The following TRIM8 variants were observed in gnomAD, a reference collection of about 807,000 sequenced individuals.
The protein encoded by TRIM8 is E3 ubiquitin-protein ligase TRIM8.
TRIM8 carries 9 observed loss-of-function variants against 55.7 expected under a neutral mutation model. The ratio of observed to expected loss-of-function variants is 0.16; its 90% confidence interval spans 0.10 to 0.28. The LOEUF is 0.28. TRIM8 is among the 10% of genes least tolerant of loss of function. The probability of loss-of-function intolerance (pLI) is 1.00; values close to 1 mark genes in which losing one functional copy is unlikely to be tolerated. For synonymous variants in TRIM8, 335 were observed against 333.3 expected (o/e 1.01, Z -0.06); for missense variants, 556 against 736.4 (o/e 0.76, Z 2.83).
intron 1 of TRIM8, among the ~76,000 whole-genome samples, chr10:102,650,488 G>A (rs1261313828): frequency 7.9e-5 from 12 of 152,268 alleles, no homozygotes; most frequent in African/African-American, 2.9e-4. Flanking sequence ...CTGGGGGTGT[G>A]AAGGTCCTCC....
chr10:102,657,405 C>T lies in TRIM8; in HGVS notation c.*51C>T. The T allele has an allele frequency of 6.6e-7, 1 of 1,516,546 alleles. No homozygotes were observed. The highest frequency in any genetic ancestry group is 8.8e-7 in the Non-Finnish European group (1 of 1,132,304). The allele number at this position is 1,516,546 out of a possible 1,614,324, so 93.9% of individuals were successfully genotyped here. A position where few individuals can be genotyped will look rare whatever the true frequency, so the allele number is the denominator to read the frequency against. On this transcript the variant is annotated 3_prime_UTR_variant, in exon 6 of 6. Transcript: ENST00000643721. ...GGAATCTTCCTCCCCAGCCCCCGGG[C>T]TCGGGAGTTATGCATCCAGAGACCT...
At position 102,656,458 on chromosome 10, in the gene TRIM8, C is replaced by T; in HGVS notation, c.1048+73C>T. On this transcript the variant is annotated intron_variant, in intron 5 of 5. Transcript: ENST00000643721. This position sits in a 1 kb window ranked among gnomAD's most constrained non-coding sequence, Gnocchi z 4.6. ...GGGTTCAGCGCCACAGCCTTCCCTC[C>T]AAGAGGCAGTGTGGCCCAGTCTGGG... is the stretch of plus-strand genomic sequence containing the variant. 6.5e-7 allele frequency: 1 copy of T among 1,543,676 alleles called. No individual in the cohort carries two copies. Among genetic ancestry groups the T allele is most frequent in the Non-Finnish European group, 8.8e-7 (1 of 1,141,752 alleles).
chr10:102,654,837 C>A lies in TRIM8; in HGVS notation c.666+89C>A, dbSNP rs888590356. Reference sequence around the variant, plus strand: ...TCCTTACTAAGGATTGATTGTGTAGCCCTATGCCAGAACCACTCCATCAGT... The same window carrying A: ...TCCTTACTAAGGATTGATTGTGTAGACCTATGCCAGAACCACTCCATCAGT... On this transcript the variant is annotated intron_variant, in intron 2 of 5. Coordinates refer to ENST00000643721, the MANE Select transcript of TRIM8 (RefSeq NM_030912.3). 60 of 1,077,870 alleles carry A rather than the reference C, an allele frequency of 5.6e-5. No individual in the cohort carries two copies. In the Admixed American group the frequency reaches 9.9e-4, roughly 18 times the overall value. The allele number at this position is 1,077,870 out of a possible 1,614,324, so 66.8% of individuals were successfully genotyped here.
chr10:102,656,518 A>G lies in TRIM8; in HGVS notation c.1048+133A>G. The G allele has an allele frequency of 7.1e-7, 1 of 1,418,092 alleles. No homozygotes were observed. Among genetic ancestry groups the G allele is most frequent in the African/African-American group, 1.4e-5 (1 of 69,718 alleles). 87.8% of individuals were successfully genotyped at this position (1,418,092 alleles called of 1,614,324 possible). ...CTCATATCCAGGCTTTGCCACTTGT[A>G]GCTGTGGGACAGTGGGTAAGCAACA... On this transcript the variant is annotated intron_variant, in intron 5 of 5. Transcript: ENST00000643721. The surrounding 1 kb of genome is among the most constrained non-coding windows in gnomAD (Gnocchi z 4.6).
intron 1 of TRIM8, among the ~76,000 whole-genome samples, chr10:102,649,593 C>A (rs537834695): frequency 1.3e-5 from 2 of 152,332 alleles, no homozygotes; most frequent in East Asian, 3.9e-4. Flanking sequence ...TCTCTCTCGC[C>A]TCTTTGTTCT....
At chr10:102,649,031 CA>C (rs2063958768) in intron 1 of TRIM8, among the ~76,000 whole-genome samples, 1 of 87,328 alleles carries the variant, frequency 1.1e-5, no homozygotes, top group African/African-American at 5.5e-5. Flanking sequence ...TGTCTGTCTG[CA>C]GGTGTGTGTG....
chr10:102,648,268 TATCTC>T lies in TRIM8; in HGVS notation c.570+3084_570+3088del, dbSNP rs1225924735. ...ACTGGTGGGAGCTGGGGGGCATCCT[TATCTC>T]ATGACCCCCCATGACATGGAAAGAA... On this transcript the variant is annotated intron_variant, in intron 1 of 5. Transcript: ENST00000643721. Among the ~76,000 whole-genome samples, 10 of 152,214 alleles carry T rather than the reference TATCTC, an allele frequency of 6.6e-5. No individual in the cohort carries two copies. The East Asian group carries it at 1.9e-3, about 29-fold the overall frequency.
chr10:102,653,671 C>G (rs1450804011), intron 1 of TRIM8: 1 of 152,284 alleles, frequency 6.6e-6, no homozygotes, highest in African/African-American at 2.4e-5. Context: ...CTGCCTGGGT[C>G]CCACTGAGGG....
chr10:102,655,492 C>T (rs879574075), intron 3 of TRIM8, among the ~76,000 whole-genome samples, 179 bp downstream of exon 3: 2 of 152,176 alleles, frequency 1.3e-5, no homozygotes, highest in South Asian at 2.1e-4. Context: ...AGGTACATCC[C>T]GGGCCTTGTT....
At chr10:102,645,211 G>GCACACA in intron 1 of TRIM8, 24 bp downstream of exon 1, 5 of 1,408,474 alleles carry the variant, frequency 3.5e-6, no homozygotes, top group Non-Finnish European at 4.7e-6. Context: ...GCGCGCGCGC[G>GCACACA]CACACACACA....
chr10:102,655,710 G>C (rs975618418), intron 3 of TRIM8, among the ~76,000 whole-genome samples: 1 of 152,202 alleles, frequency 6.6e-6, no homozygotes. Flanking sequence ...TGCTGTATTA[G>C]ATTGTTGTGT....
Position 102,658,235 on chromosome 10 carries a change from C to G in TRIM8, c.*881C>G, listed in dbSNP as rs1232919135. 6.6e-6 allele frequency: 1 copy of G among 152,316 alleles called. No individual in the cohort carries two copies. The highest frequency in any genetic ancestry group is 1.5e-5 in the Non-Finnish European group (1 of 68,046). The allele number at this position is 152,316 out of a possible 1,614,324, so 9.4% of individuals were successfully genotyped here. A position where few individuals can be genotyped will look rare whatever the true frequency, so the allele number is the denominator to read the frequency against. On this transcript the variant is annotated 3_prime_UTR_variant, in exon 6 of 6. Transcript: ENST00000643721. ...TTGTATGAATCGTGGACTTCCTGTT[C>G]TCAAGGCGCAGGTATTTATTCTGTA...
intron 1 of TRIM8, chr10:102,645,505 T>G: frequency 4.0e-6 from 1 of 252,592 alleles, no homozygotes; most frequent in Non-Finnish European, 7.6e-6. Context: ...CCCAGTCTTG[T>G]TGCTGTAGGC....
intron 1 of TRIM8, among the ~76,000 whole-genome samples, chr10:102,646,583 C>G (rs762464910): frequency 2.2e-4 from 34 of 152,290 alleles, no homozygotes; most frequent in Non-Finnish European, 2.5e-4. Flanking sequence ...TAATTAGTTT[C>G]CAATCGGATG....
chr10:102,650,912 G>A (rs778654252), intron 1 of TRIM8, among the ~76,000 whole-genome samples: 1 of 152,164 alleles, frequency 6.6e-6, no homozygotes, highest in Admixed American at 6.5e-5. Context: ...GGTGAACTGG[G>A]GTGGGGTCGT....
rs1359554057 is a variant in TRIM8, at chr10:102,657,362, C to T, written c.*8C>T. 1.3e-6 allele frequency: 2 copies of T among 1,548,874 alleles called. No individual in the cohort carries two copies. Among genetic ancestry groups the T allele is most frequent in the African/African-American group, 1.4e-5 (1 of 73,260 alleles). The stretch of plus-strand genomic sequence containing the variant: ...CACTACGTGACGAGCTAACGCCACG[C>T]AGGCGGCGGGGCGCTGGGGAATCTT... On this transcript the variant is annotated 3_prime_UTR_variant, in exon 6 of 6. Coordinates refer to ENST00000643721, the MANE Select transcript of TRIM8 (RefSeq NM_030912.3).
chr10:102,646,866 G>T (rs549240923), intron 1 of TRIM8, among the ~76,000 whole-genome samples: 1 of 152,352 alleles, frequency 6.6e-6, no homozygotes, highest in African/African-American at 2.4e-5. Flanking sequence ...GAAAGGAACA[G>T]GGGAGGGGCA....
chr10:102,654,194 GGAGGCC>G (rs558621713), intron 1 of TRIM8: 211 of 158,934 alleles, frequency 1.3e-3, no homozygotes, highest in African/African-American at 4.9e-3. Context: ...CCGCACTTTG[GGAGGCC>G]GAGGCGGGCA....
At position 102,657,032 on chromosome 10, in the gene TRIM8, A is replaced by C. The variant is rs766216716; in HGVS notation, c.1334A>C (p.Gln445Pro). Residue 445 changes from glutamine (Q) to proline (P), a missense_variant, in exon 6 of 6, where the codon CAG becomes CCG. Gln to Pro is a moderately conservative substitution (Grantham distance 76). Around this residue, in one of 2 missense-constraint regions of TRIM8, gnomAD observed 391 missense variants for 441.0 expected, o/e 0.89. Coordinates refer to ENST00000643721, the MANE Select transcript of TRIM8 (RefSeq NM_030912.3). Reference protein sequence around the residue: ...VHSSPVFPPSQYPNGSAAQQP... With the variant: ...VHSSPVFPPSPYPNGSAAQQP... ...TCAAGCCCCGTGTTCCCCCCATCGC[A>C]GTATCCCAATGGCTCCGCCGCCCAG... 1 of 1,612,938 alleles carries C rather than the reference A, an allele frequency of 6.2e-7. No individual in the cohort carries two copies. The highest frequency in any genetic ancestry group is 1.1e-5 in the South Asian group (1 of 91,076).
Sources: gnomAD v4.1 joint callset for allele counts (sites outside exome capture counted in the v4.1 genomes callset) on GRCh38, gnomAD v4.1.1 for gene constraint, gnomAD v4.1.1 regional missense constraint, Gnocchi (gnomAD v3.1) non-coding constraint, MANE v1.5 for transcripts, NCBI Gene and HGNC (gene_info 2026-07-23, HGNC 2026-07-21) for gene names.